ATP7A: variants seen among roughly 807,000 people sequenced by gnomAD.
The protein encoded by ATP7A is copper-transporting ATPase 1.
A neutral mutation model predicts 83.5 loss-of-function variants in ATP7A; 7 were observed. That is an observed-to-expected ratio of 0.08 (90% CI 0.05 to 0.16). The LOEUF (loss-of-function observed/expected upper bound fraction) is 0.16. Ranked by LOEUF, ATP7A falls within the 10% of genes least tolerant of loss-of-function variation. The pLI is 1.00. For synonymous variants in ATP7A, 354 were observed against 395.2 expected, an observed-to-expected ratio of 0.90 and a Z score of 1.24; for missense variants, 940 against 1,120.8, an observed-to-expected ratio of 0.84 and a Z score of 2.30.
intron 5 of ATP7A, among the ~76,000 whole-genome samples, chrX:77,999,043 C>T (rs2077722856): frequency 9.4e-6 from 1 of 106,934 alleles, no homozygotes; most frequent in Non-Finnish European, 1.9e-5. Flanking sequence ...GTCGCCCAGG[C>T]TGGAGTGGAG....
At chrX:77,990,454 A>G (rs1396727002) in intron 4 of ATP7A, among the ~76,000 whole-genome samples, 1 of 111,822 alleles carries the variant, frequency 8.9e-6, no homozygotes, top group Non-Finnish European at 1.9e-5. Flanking sequence ...TTTTGTTTCC[A>G]TTGTGTTTCC....
intron 1 of ATP7A, among the ~76,000 whole-genome samples, chrX:77,940,027 G>A (rs1557225491): frequency 9.1e-6 from 1 of 110,165 alleles, no homozygotes; most frequent in Non-Finnish European, 1.9e-5. Flanking sequence ...CTGACACAAT[G>A]ATGTTAAGGT....
At chrX:77,974,985 G>A (rs1157600455) in intron 2 of ATP7A, among the ~76,000 whole-genome samples, 1 of 112,491 alleles carries the variant, frequency 8.9e-6, no homozygotes, top group African/African-American at 3.2e-5. Context: ...CCACTAACTC[G>A]TCATCTAGCA....
At chrX:77,963,172 T>G (rs782609687) in intron 1 of ATP7A, 1 of 133,795 alleles carries the variant, frequency 7.5e-6, no homozygotes, top group Admixed American at 8.7e-5. Context: ...TAATATTAAT[T>G]GTGCCACAGT....
intron 22 of ATP7A, among the ~76,000 whole-genome samples, 180 bp from the exon 23 acceptor site, chrX:78,046,114 G>T (rs897624791): frequency 8.9e-6 from 1 of 112,270 alleles, no homozygotes; most frequent in Non-Finnish European, 1.9e-5. Context: ...GAGAAGTAGG[G>T]TTTCTGATGA....
chrX:78,008,254 C>T (rs2077791409), intron 6 of ATP7A, among the ~76,000 whole-genome samples: 1 of 111,368 alleles, frequency 9.0e-6, no homozygotes, highest in Admixed American at 9.6e-5. Context: ...TGTGGTATGC[C>T]CTTTGGTCAA....
At position 77,989,579 on chromosome X, in the gene ATP7A, G is replaced by A; in HGVS notation, c.957G>A (p.Val319=). The change falls in exon 4 of 23, where the codon GTG becomes GTA. Residue 319 remains valine (V), a synonymous_variant. Transcript: ENST00000341514. ...CTTTAGAGAATAGGTCTGCCATTGT[G>A]AAGTATAATGCAAGCTCAGTCACTC... ...VVSLENRSAI[V]KYNASSVTPE... 1.7e-6 allele frequency: 2 copies of A among 1,211,749 alleles called. No individual in the cohort carries two copies. Among genetic ancestry groups the A allele is most frequent in the Non-Finnish European group, 2.2e-6 (2 of 895,447 alleles).
In ATP7A at chrX:78,045,549, A is replaced by G; in HGVS notation, c.4203A>G (p.Val1401=). The G allele has an allele frequency of 8.3e-7, 1 of 1,208,852 alleles. No individual in the cohort carries two copies. The highest frequency in any genetic ancestry group is 1.1e-6 in the Non-Finnish European group (1 of 892,996). The change falls in exon 22 of 23, where the codon GTA becomes GTG. Residue 1401 remains valine (V), a synonymous_variant. Transcript: ENST00000341514. The part of the protein sequence containing the change: ...AAMAASSVSV[V]LSSLFLKLYR... ...TGGCTGCTTCATCTGTTTCTGTAGTACTTTCTTCTCTCTTCCTTAAACTGT... is the reference window on the plus strand; with the variant it reads ...TGGCTGCTTCATCTGTTTCTGTAGTGCTTTCTTCTCTCTTCCTTAAACTGT...
chrX:77,953,489 T>A (rs923168385), intron 1 of ATP7A, among the ~76,000 whole-genome samples: 4 of 111,810 alleles, frequency 3.6e-5, no homozygotes, highest in Non-Finnish European at 7.5e-5. Context: ...ATTTGTAATT[T>A]CAAGTAGTTG....
At chrX:77,968,834 G>T in intron 1 of ATP7A, 1 of 1,209,155 alleles carries the variant, frequency 8.3e-7, no homozygotes, top group Non-Finnish European at 1.1e-6. Flanking sequence ...AAGACCAGCA[G>T]GGAGGGTGCT....
At chrX:78,023,435 C>T (rs1252601048) in intron 14 of ATP7A, among the ~76,000 whole-genome samples, 2 of 110,151 alleles carry the variant, frequency 1.8e-5, no homozygotes, top group African/African-American at 6.6e-5. Context: ...ATAAGTGTTC[C>T]CTTTTCTCTG....
chrX:77,951,367 A>C (rs1044400015), intron 1 of ATP7A, among the ~76,000 whole-genome samples: 3 of 111,313 alleles, frequency 2.7e-5, no homozygotes, highest in Admixed American at 9.6e-5. Context: ...TTGTTCTTTA[A>C]CTTGGAATTA....
chrX:78,018,748 G>A (rs1569550031), intron 12 of ATP7A, among the ~76,000 whole-genome samples: 1 of 111,980 alleles, frequency 8.9e-6, no homozygotes, highest in Admixed American at 9.5e-5. Context: ...CATACCCAAC[G>A]CTGGGTAATT....
At chrX:77,999,240 A>G (rs1234723668) in intron 5 of ATP7A, among the ~76,000 whole-genome samples, 7 of 110,565 alleles carry the variant, frequency 6.3e-5, no homozygotes, top group Non-Finnish European at 3.8e-5. Flanking sequence ...CAGGTGATCC[A>G]CCCACCTTGG....
rs1443260520 is a variant in ATP7A, at chrX:78,013,019, G to C, written c.2313G>C (p.Glu771Asp). The C allele has an allele frequency of 1.8e-5, 22 of 1,211,051 alleles. No homozygotes were observed. The highest frequency in any genetic ancestry group is 2.5e-5 in the Non-Finnish European group (22 of 895,108). Residue 771 changes from glutamate to aspartate, a missense_variant, in exon 10 of 23, where the codon GAG becomes GAC. By Grantham distance (45) the Glu-to-Asp change is conservative. Coordinates refer to ENST00000341514, the MANE Select transcript of ATP7A (RefSeq NM_000052.7). ...SLIILLVAMYERAKVNPITFF... is the reference protein window; with the variant it reads ...SLIILLVAMYDRAKVNPITFF... The stretch of plus-strand genomic sequence containing the variant: ...TTATTCTTCTAGTTGCAATGTATGA[G>C]AGAGCCAAAGTGAACCCTATTACTT...
intron 1 of ATP7A, among the ~76,000 whole-genome samples, chrX:77,958,453 A>T (rs1445921196): frequency 9.0e-6 from 1 of 111,281 alleles, no homozygotes; most frequent in Non-Finnish European, 1.9e-5. Flanking sequence ...TCCATTGTGT[A>T]TGTGCCTGTT....
At chrX:77,937,885 TCTCA>T (rs1273364052) in intron 1 of ATP7A, among the ~76,000 whole-genome samples, 157 of 105,766 alleles carry the variant, frequency 1.5e-3, no homozygotes, top group African/African-American at 5.1e-3. Context: ...TCTCTCTCTC[TCTCA>T]CACACACACA....
chrX:78,014,834 AC>A (rs2077850797), intron 11 of ATP7A, 81 bp downstream of exon 11: 1 of 723,852 alleles, frequency 1.4e-6, no homozygotes, highest in South Asian at 2.4e-5. Context: ...TAGAAAAAGG[AC>A]TATCATGAAT....
At chrX:77,996,574 C>T (rs1315590914) in intron 4 of ATP7A, among the ~76,000 whole-genome samples, 1 of 111,594 alleles carries the variant, frequency 9.0e-6, no homozygotes, top group Non-Finnish European at 1.9e-5. Context: ...GCTTGCCACA[C>T]TCACAGAGCT....
Sources: gnomAD v4.1 joint callset for allele counts (sites outside exome capture counted in the v4.1 genomes callset) on GRCh38, gnomAD v4.1.1 for gene constraint, MANE v1.5 for transcripts, NCBI Gene and HGNC (gene_info 2026-07-23, HGNC 2026-07-21) for gene names.